ACSBG1: variants seen among roughly 807,000 people sequenced by gnomAD.
ACSBG1 encodes the protein long-chain-fatty-acid--CoA ligase ACSBG1.
Under a neutral mutation model 80.2 loss-of-function variants are expected in ACSBG1, and 39 were observed. The observed-to-expected ratio is 0.49, with a 90% confidence interval of 0.38 to 0.64. The LOEUF is 0.64. Among genes scored for constraint, ACSBG1 ranks in the 30% least tolerant of loss-of-function variants. The pLI is 0.00. For synonymous variants in ACSBG1, 392 were observed against 379.5 expected, an observed-to-expected ratio of 1.03 and a Z score of -0.38; for missense variants, 828 against 966.4, an observed-to-expected ratio of 0.86 and a Z score of 1.90.
chr15:78,186,505 C>G (rs1421482669), intron 5 of ACSBG1, among the ~76,000 whole-genome samples: 1 of 152,174 alleles, frequency 6.6e-6, no homozygotes, highest in Non-Finnish European at 1.5e-5. Flanking sequence ...AACTAGAACT[C>G]AGAATTAAGA....
In ACSBG1 at chr15:78,179,454, C is replaced by T. The variant is rs2074917571; in HGVS notation, c.1484+96G>A. On this transcript the variant is annotated intron_variant, in intron 10 of 13. Coordinates refer to ENST00000258873, the MANE Select transcript of ACSBG1 (RefSeq NM_015162.5). ...AGGTCTCTGGGACCCAACTGGCATG[C>T]AAAGAGAAGGGGATCCCCAGGGCAC... is the stretch of plus-strand genomic sequence containing the variant. 3 of 1,186,436 alleles carry T rather than the reference C, an allele frequency of 2.5e-6. No individual in the cohort carries two copies. In the East Asian group the frequency reaches 7.5e-5, roughly 30 times the overall value. 73.5% of individuals were successfully genotyped at this position (1,186,436 alleles called of 1,614,324 possible). A position where few individuals can be genotyped will look rare whatever the true frequency, so the allele number is the denominator to read the frequency against.
chr15:78,194,056 G>A (rs140274564), intron 3 of ACSBG1, 36 bp from the exon 4 acceptor site: 16,169 of 1,603,764 alleles, frequency 0.01, 106 homozygotes, highest in Non-Finnish European at 0.012. Flanking sequence ...GGTCAGCCGG[G>A]CAGGGACTGG....
At position 78,194,669 on chromosome 15, in the gene ACSBG1, C is replaced by T. The variant is rs906930753; in HGVS notation, c.290G>A (p.Ser97Asn). 1.9e-6 allele frequency: 3 copies of T among 1,614,078 alleles called. No homozygotes were observed. The highest frequency in any genetic ancestry group is 1.7e-6 in the Non-Finnish European group (2 of 1,180,004). The change falls in exon 3 of 14, where the codon AGC becomes AAC. Residue 97 changes from serine to asparagine, a missense_variant. This residue lies in a region of ACSBG1 where 356 missense variants were observed against 363.5 expected (regional missense o/e 0.98). Transcript: ENST00000258873. ...CACAGTGTAGGGAAGCTGTGGGCAG[C>T]TGGGGTCTATGCGCAGGCGCACCCG... The part of the protein sequence containing the change: ...DGRVRLRIDP[S>N]CPQLPYTVHR...
At chr15:78,186,625 C>T (rs1296162926) in intron 5 of ACSBG1, among the ~76,000 whole-genome samples, 4 of 151,960 alleles carry the variant, frequency 2.6e-5, no homozygotes, top group Non-Finnish European at 4.4e-5. Flanking sequence ...TTGAAACCAA[C>T]GAGAACAAAG....
intron 7 of ACSBG1, 47 bp downstream of exon 7, chr15:78,182,419 C>T (rs1236513689): frequency 7.5e-6 from 12 of 1,601,474 alleles, no homozygotes; most frequent in Non-Finnish European, 1.0e-5. Flanking sequence ...CCAGATCCAC[C>T]CATAACCCCC....
chr15:78,213,191 C>A (rs894270955), intron 1 of ACSBG1, among the ~76,000 whole-genome samples: 2 of 152,232 alleles, frequency 1.3e-5, no homozygotes, highest in African/African-American at 4.8e-5. Flanking sequence ...CAGGCCTGTG[C>A]ACAGCCTGAT....
chr15:78,178,779 C>G lies in ACSBG1; in HGVS notation c.1537G>C (p.Glu513Gln), dbSNP rs2074910072. 6.2e-7 allele frequency: 1 copy of G among 1,613,890 alleles called. No individual in the cohort carries two copies. Among genetic ancestry groups the G allele is most frequent in the African/African-American group, 1.3e-5 (1 of 74,946 alleles). ...CRVKLVNQDA[E>Q]GIGEICLWGR... ...CACAGGCAGATCTCGCCAATGCCCT[C>G]TGCGTCCTGGTTCACCAGCTTCACC... is the stretch of plus-strand genomic sequence containing the variant. The change falls in exon 11 of 14, where the codon GAG (glutamate) becomes CAG (glutamine). Residue 513 changes from glutamate to glutamine, a missense_variant. By Grantham distance (29) the Glu-to-Gln change is conservative (BLOSUM62 2). Transcript: ENST00000258873. This position sits in a 1 kb window ranked among gnomAD's most constrained non-coding sequence, Gnocchi z 4.3.
At chr15:78,233,991 G>A (rs534800908) in intron 1 of ACSBG1, among the ~76,000 whole-genome samples, 4 of 152,328 alleles carry the variant, frequency 2.6e-5, no homozygotes, top group Admixed American at 1.3e-4. Flanking sequence ...AAACTGGAGC[G>A]GGAACCTCTG....
intron 2 of ACSBG1, among the ~76,000 whole-genome samples, chr15:78,204,548 C>T (rs1455998679): frequency 6.6e-6 from 1 of 152,216 alleles, no homozygotes; most frequent in Non-Finnish European, 1.5e-5. Context: ...TGCCTTGACC[C>T]CTGCGGAAAA....
chr15:78,168,885 G>T lies in ACSBG1; in HGVS notation c.*2559C>A. On this transcript the variant is annotated 3_prime_UTR_variant, in exon 14 of 14. Coordinates refer to ENST00000258873, the MANE Select transcript of ACSBG1 (RefSeq NM_015162.5). The stretch of plus-strand genomic sequence containing the variant: ...ATCTCCTTGGTTTAGTTTAGTTTGC[G>T]GATACATCTTTTATTTTTGCTTTTT... 1 of 1,368,012 alleles carries T rather than the reference G, an allele frequency of 7.3e-7. No homozygotes were observed. Among genetic ancestry groups the T allele is most frequent in the Non-Finnish European group, 1.0e-6 (1 of 964,358 alleles). 84.7% of individuals were successfully genotyped at this position (1,368,012 alleles called of 1,614,324 possible). A position where few individuals can be genotyped will look rare whatever the true frequency, so the allele number is the denominator to read the frequency against.
chr15:78,195,737 C>T (rs910948118), intron 2 of ACSBG1, among the ~76,000 whole-genome samples: 2 of 152,146 alleles, frequency 1.3e-5, no homozygotes, highest in South Asian at 2.1e-4. Context: ...ACCCTTTGGT[C>T]CCGTGAGACG....
chr15:78,181,190 T>G (rs1338701004), intron 8 of ACSBG1: 1 of 480,182 alleles, frequency 2.1e-6, no homozygotes, highest in Non-Finnish European at 3.7e-6. Flanking sequence ...GCATGGCAAC[T>G]CTCCATGAGT....
chr15:78,225,107 A>T (rs1222131171), intron 1 of ACSBG1, among the ~76,000 whole-genome samples: 1 of 152,176 alleles, frequency 6.6e-6, no homozygotes, highest in Non-Finnish European at 1.5e-5. Flanking sequence ...TTAAATTTAA[A>T]ATACAGTTTT....
At chr15:78,228,534 C>T (rs1261048685) in intron 1 of ACSBG1, among the ~76,000 whole-genome samples, 1 of 152,168 alleles carries the variant, frequency 6.6e-6, no homozygotes, top group African/African-American at 2.4e-5. Flanking sequence ...AGCTCTGCTG[C>T]CCCTGGCTAA....
At chr15:78,185,764 A>C (rs2074997213) in intron 5 of ACSBG1, among the ~76,000 whole-genome samples, 1 of 152,182 alleles carries the variant, frequency 6.6e-6, no homozygotes, top group Admixed American at 6.5e-5. Context: ...CAGCCAGAAA[A>C]ACAAAACACT....
rs1048917376 is a variant in ACSBG1, at chr15:78,194,355, G to A, written c.453+151C>T. ...AAAAGCTCAGTACGGGGCCCAGCAT[G>A]GAGTATCAGCCCCACGCACAATGAC... is the stretch of plus-strand genomic sequence containing the variant. On this transcript the variant is annotated intron_variant, in intron 3 of 13. Transcript: ENST00000258873. 1.1e-4 allele frequency: 79 copies of A among 721,348 alleles called. No homozygotes were observed. In the Middle Eastern group the frequency reaches 2.4e-3, roughly 22 times the overall value. 44.7% of individuals were successfully genotyped at this position (721,348 alleles called of 1,614,324 possible).
chr15:78,228,137 A>G (rs2075418678), intron 1 of ACSBG1, among the ~76,000 whole-genome samples: 2 of 152,142 alleles, frequency 1.3e-5, no homozygotes, highest in African/African-American at 4.8e-5. Flanking sequence ...CATGGTCACA[A>G]CCTTTACAGT....
Position 78,194,731 on chromosome 15 carries a change from G to C in ACSBG1, c.233-5C>G. ...GAGTCGTCCACAGCGCCTCCTCTGTGGGGTGGGGGAGACCACAGCTTGGAT... is the reference window on the plus strand; with the variant it reads ...GAGTCGTCCACAGCGCCTCCTCTGTCGGGTGGGGGAGACCACAGCTTGGAT... On this transcript the variant is annotated splice_polypyrimidine_tract_variant and splice_region_variant and intron_variant, in intron 2 of 13. Coordinates refer to ENST00000258873, the MANE Select transcript of ACSBG1 (RefSeq NM_015162.5). The C allele has an allele frequency of 6.2e-7, 1 of 1,611,068 alleles. No homozygotes were observed. Among genetic ancestry groups the C allele is most frequent in the Admixed American group, 1.7e-5 (1 of 59,992 alleles).
chr15:78,188,859 A>G (rs1347273157), intron 5 of ACSBG1, among the ~76,000 whole-genome samples: 30 of 151,010 alleles, frequency 2.0e-4, no homozygotes, highest in Non-Finnish European at 3.9e-4. Context: ...ACAGCAAAAG[A>G]AACTACCATC....
Sources: allele counts gnomAD v4.1 joint callset (sites outside exome capture counted in the v4.1 genomes callset), GRCh38; gene constraint gnomAD v4.1.1; regional missense constraint gnomAD v4.1.1; non-coding constraint Gnocchi (gnomAD v3.1); transcripts MANE v1.5; gene names NCBI Gene and HGNC (gene_info 2026-07-23, HGNC 2026-07-21).